Variants in SDHAF2 observed in about 807,000 individuals in gnomAD.
The protein encoded by SDHAF2 is succinate dehydrogenase assembly factor 2, mitochondrial.
Under a neutral mutation model 18.5 loss-of-function variants are expected in SDHAF2, and 21 were observed. The ratio of observed to expected loss-of-function variants is 1.13; its 90% CI spans 0.80 to 1.63. SDHAF2 has a LOEUF of 1.63. Among genes scored for constraint, SDHAF2 ranks in the 40% most tolerant of loss-of-function variants. SDHAF2 has a pLI of 0.00. For missense variants in SDHAF2, 195 were observed against 200.3 expected (o/e 0.97, Z 0.16); for synonymous variants, 84 against 70.7 (o/e 1.19, Z -0.94).
At chr11:61,433,787 C>T (rs766783300) in intron 1 of SDHAF2, 2 of 152,276 alleles carry the variant, frequency 1.3e-5, no homozygotes, top group Non-Finnish European at 2.9e-5. Context: ...TCTCATAGTC[C>T]TGGAGGCTAG....
chr11:61,439,435 G>A (rs1325610786), intron 3 of SDHAF2, among the ~76,000 whole-genome samples: 4 of 152,164 alleles, frequency 2.6e-5, no homozygotes, highest in Admixed American at 6.5e-5. Context: ...ACTTGGCTAC[G>A]TCTAACCATA....
rs79439382 is a variant in SDHAF2, at chr11:61,442,905, C to T, written c.371-3036C>T. The stretch of plus-strand genomic sequence containing the variant: ...AGCAACTGGGACCACAGGCACGTGC[C>T]GCCATGCCTGGCTAATTTTTTTGTA... On this transcript the variant is annotated intron_variant, in intron 3 of 3. Transcript: ENST00000301761. Among the ~76,000 whole-genome samples, 305 of 152,290 alleles carry T rather than the reference C, an allele frequency of 2.0e-3. 2 individuals carry two copies. Among genetic ancestry groups the T allele is most frequent in the African/African-American group, 6.9e-3 (285 of 41,562 alleles).
intron 3 of SDHAF2, among the ~76,000 whole-genome samples, chr11:61,441,730 T>C (rs1862067940): frequency 6.6e-6 from 1 of 152,170 alleles, no homozygotes; most frequent in African/African-American, 2.4e-5. Flanking sequence ...GTTTTTGTTT[T>C]TAGCCATTCC....
At chr11:61,434,689 T>C (rs35294441) in intron 1 of SDHAF2, 1 of 151,076 alleles carries the variant, frequency 6.6e-6, no homozygotes, top group Non-Finnish European at 1.5e-5. Flanking sequence ...GGTCTACTAT[T>C]GATTTTCTCT....
intron 3 of SDHAF2, among the ~76,000 whole-genome samples, chr11:61,445,187 G>A (rs1398618367): frequency 2.6e-5 from 4 of 152,086 alleles, no homozygotes; most frequent in East Asian, 1.9e-4. Flanking sequence ...ACATTGCCTC[G>A]GCTTTGGCAG....
rs374676911 is a variant in SDHAF2 at position 61,430,136 on chromosome 11, A to G, written c.-11A>G. 3.1e-6 allele frequency: 5 copies of G among 1,614,026 alleles called. No individual in the cohort carries two copies. Among genetic ancestry groups the G allele is most frequent in the Non-Finnish European group, 4.2e-6 (5 of 1,180,008 alleles). ...TGCCCGCGCAGCCGGTTTCCGGTGC[A>G]GGTGGGGAAAATGGCGGTGTCTACA... On this transcript the variant is annotated 5_prime_UTR_variant, in exon 1 of 4. Transcript: ENST00000301761.
intron 1 of SDHAF2, chr11:61,436,925 A>G: frequency 7.8e-7 from 1 of 1,283,916 alleles, no homozygotes; most frequent in Non-Finnish European, 1.0e-6. Context: ...GGGATTAGGG[A>G]TCATGCTGTC....
intron 1 of SDHAF2, 102 bp from the exon 2 acceptor site, chr11:61,437,523 C>A: frequency 9.5e-7 from 1 of 1,054,166 alleles, no homozygotes; most frequent in Non-Finnish European, 1.5e-6. Flanking sequence ...TTCCTCATGA[C>A]TAAATGTGAT....
chr11:61,438,063 G>T lies in SDHAF2; in HGVS notation c.320G>T (p.Arg107Leu). 1 of 1,614,006 alleles carries T rather than the reference G, an allele frequency of 6.2e-7. No homozygotes were observed. The highest frequency in any genetic ancestry group is 8.5e-7 in the Non-Finnish European group (1 of 1,179,998). ...GAAAAGCAGCTGAACCTCTATGACC[G>T]CCTGATTAACGAGCCTAGTAATGAC... Reference protein sequence around the residue: ...MTEKQLNLYDRLINEPSNDWD... With the variant: ...MTEKQLNLYDLLINEPSNDWD... The change falls in exon 3 of 4, where the codon CGC becomes CTC. Residue 107 changes from arginine (R) to leucine (L), a missense_variant. By Grantham distance (102) the Arg-to-Leu change is moderately radical (BLOSUM62 -2). Coordinates refer to ENST00000301761, the MANE Select transcript of SDHAF2 (RefSeq NM_017841.4).
rs1862133582 is a variant in SDHAF2 at position 61,446,045 on chromosome 11, G to C, written c.475G>C (p.Glu159Gln). The change falls in exon 4 of 4, where the codon GAG becomes CAG. Residue 159 changes from glutamate to glutamine, a missense_variant. Glu to Gln is a conservative substitution (Grantham distance 29). Transcript: ENST00000301761. ...KEQRLRAPDL[E>Q]YLFEKPR Reference sequence around the variant, plus strand: ...GCAGAGACTGCGTGCCCCAGATCTTGAGTACCTCTTTGAAAAGCCACGTTG... The same window carrying C: ...GCAGAGACTGCGTGCCCCAGATCTTCAGTACCTCTTTGAAAAGCCACGTTG... 6.2e-7 allele frequency: 1 copy of C among 1,614,070 alleles called. No homozygotes were observed. Among genetic ancestry groups the C allele is most frequent in the African/African-American group, 1.3e-5 (1 of 74,926 alleles).
At chr11:61,434,012 C>G (rs758548892) in intron 1 of SDHAF2, 1 of 152,252 alleles carries the variant, frequency 6.6e-6, no homozygotes, top group East Asian at 1.9e-4. Context: ...CTCGGCCTCC[C>G]AGGTAGCTGG....
chr11:61,445,772 A>T (rs535777791), intron 3 of SDHAF2, among the ~76,000 whole-genome samples, 169 bp from the exon 4 acceptor site: 28 of 152,302 alleles, frequency 1.8e-4, no homozygotes, highest in African/African-American at 6.5e-4. Context: ...AGGCTCACAC[A>T]GTTTGCCACC....
intron 3 of SDHAF2, chr11:61,438,335 G>T: frequency 1.6e-6 from 1 of 608,910 alleles, no homozygotes; most frequent in Admixed American, 2.9e-5. Flanking sequence ...GAGTACCTGG[G>T]ATTACAGGCA....
intron 1 of SDHAF2, chr11:61,434,093 A>G (rs1565127459): frequency 2.6e-5 from 4 of 152,320 alleles, no homozygotes; most frequent in African/African-American, 7.2e-5. Context: ...ACGTCGCAGT[A>G]TGGACTTCTT....
At position 61,430,182 on chromosome 11, in the gene SDHAF2, G is replaced by T; in HGVS notation, c.36G>T (p.Leu12=). ...CTACAGTGTTCTCGACTTCGTCGCTGGTGAGGAGAGAGAACGTTCTAGCGT... is the reference window on the plus strand; with the variant it reads ...CTACAGTGTTCTCGACTTCGTCGCTTGTGAGGAGAGAGAACGTTCTAGCGT... ...AVSTVFSTSS[L]MLALSRHSLL... is the part of the protein sequence containing the mutation. Residue 12 remains leucine, a splice_region_variant and synonymous_variant, in exon 1 of 4, where the codon CTG becomes CTT. Coordinates refer to ENST00000301761, the MANE Select transcript of SDHAF2 (RefSeq NM_017841.4). 6.2e-7 allele frequency: 1 copy of T among 1,614,218 alleles called. No homozygotes were observed. The highest frequency in any genetic ancestry group is 8.5e-7 in the Non-Finnish European group (1 of 1,180,044).
At chr11:61,443,751 A>G (rs931368759) in intron 3 of SDHAF2, among the ~76,000 whole-genome samples, 2 of 150,850 alleles carry the variant, frequency 1.3e-5, no homozygotes, top group Non-Finnish European at 2.9e-5. Flanking sequence ...AGCTGAGACT[A>G]CAATCACGTG....
At chr11:61,444,758 T>A (rs1862117899) in intron 3 of SDHAF2, among the ~76,000 whole-genome samples, 1 of 151,916 alleles carries the variant, frequency 6.6e-6, no homozygotes, top group African/African-American at 2.4e-5. Flanking sequence ...AAAAAAAAAT[T>A]TTTTTAGCTG....
At chr11:61,438,732 C>T (rs1253347084) in intron 3 of SDHAF2, among the ~76,000 whole-genome samples, 1 of 152,190 alleles carries the variant, frequency 6.6e-6, no homozygotes, top group African/African-American at 2.4e-5. Context: ...ACTAAGTCTG[C>T]ATAGCCAAAG....
Position 61,446,258 on chromosome 11 carries a change from A to C in SDHAF2, c.*187A>C. On this transcript the variant is annotated 3_prime_UTR_variant, in exon 4 of 4. Coordinates refer to ENST00000301761, the MANE Select transcript of SDHAF2 (RefSeq NM_017841.4). ...TAAATGCACAATGTGACTCATTCTC[A>C]TACTTTTTTGTTCAGCTCTGAGCCT... 8.7e-6 allele frequency: 6 copies of C among 687,466 alleles called. No individual in the cohort carries two copies. Among genetic ancestry groups the C allele is most frequent in the Non-Finnish European group, 1.5e-5 (6 of 389,536 alleles). 42.6% of individuals were successfully genotyped at this position (687,466 alleles called of 1,614,324 possible). A position where few individuals can be genotyped will look rare whatever the true frequency, so the allele number is the denominator to read the frequency against.
Sources: allele counts gnomAD v4.1 joint callset (sites outside exome capture counted in the v4.1 genomes callset), GRCh38; gene constraint gnomAD v4.1.1; transcripts MANE v1.5; gene names NCBI Gene and HGNC (gene_info 2026-07-23, HGNC 2026-07-21).